The following SHROOM2 variants were observed in gnomAD, a reference collection of about 807,000 sequenced individuals.
The protein encoded by SHROOM2 is protein Shroom2.
A neutral mutation model predicts 75.9 loss-of-function variants in SHROOM2; 33 were observed. That is an observed-to-expected ratio of 0.43 (90% CI 0.33 to 0.58). The LOEUF (loss-of-function observed/expected upper bound fraction) is 0.58, where lower values mean the gene tolerates loss of function less well. SHROOM2 is among the 20% of genes least tolerant of loss of function. The pLI is 0.04. For missense variants in SHROOM2, 1,434 were observed against 1,461.2 expected (o/e 0.98, Z 0.30); for synonymous variants, 655 against 663.6 (o/e 0.99, Z 0.20).
intron 1 of SHROOM2, among the ~76,000 whole-genome samples, chrX:9,802,747 G>A (rs1439572185): frequency 2.7e-5 from 3 of 110,709 alleles, no homozygotes; most frequent in African/African-American, 6.6e-5. Flanking sequence ...TGGGATGAAC[G>A]ACTGCACATT....
Position 9,894,631 on chromosome X carries a change from C to T in SHROOM2, c.723C>T (p.Leu241=), listed in dbSNP as rs200157143. The T allele has an allele frequency of 5.8e-6, 7 of 1,210,748 alleles. No individual in the cohort carries two copies. The Admixed American group carries it at 8.7e-5, about 15-fold the overall frequency. Residue 241 remains leucine (L), a synonymous_variant, in exon 4 of 10, where the codon CTC becomes CTT. Transcript: ENST00000380913. ...AGAACATCCTCTACACTGTGGGCCT[C>T]TGGGAGGCTCCCAGGCAGGGTGGCC... ...SAENILYTVG[L]WEAPRQGGRQ... is the part of the protein sequence containing the mutation.
At chrX:9,877,905 G>A (rs1299556512) in intron 2 of SHROOM2, among the ~76,000 whole-genome samples, 1 of 111,107 alleles carries the variant, frequency 9.0e-6, no homozygotes, top group Non-Finnish European at 1.9e-5. Flanking sequence ...AGCTTAGCTG[G>A]GCTCATCCTA....
chrX:9,832,619 C>T (rs1166941200), intron 1 of SHROOM2, among the ~76,000 whole-genome samples: 3 of 111,234 alleles, frequency 2.7e-5, no homozygotes, highest in African/African-American at 9.8e-5. Flanking sequence ...GCACACTAGA[C>T]GAACCAGCAG....
chrX:9,873,916 T>C (rs1471086249), intron 2 of SHROOM2, 113 bp downstream of exon 2: 2 of 816,284 alleles, frequency 2.5e-6, no homozygotes, highest in South Asian at 2.8e-5. Context: ...GATTGGGACA[T>C]GCACTTAGAG....
chrX:9,891,238 C>A, intron 3 of SHROOM2, 130 bp downstream of exon 3: 1 of 850,813 alleles, frequency 1.2e-6, no homozygotes, highest in Non-Finnish European at 1.6e-6. Flanking sequence ...AGTTGGAGGG[C>A]TCTGAATTTT....
chrX:9,786,918 C>T (rs1054264123), intron 1 of SHROOM2, among the ~76,000 whole-genome samples: 4 of 111,638 alleles, frequency 3.6e-5, no homozygotes, highest in Non-Finnish European at 7.6e-5. Context: ...GTTTAAATGG[C>T]TCCTGCCCGG....
At chrX:9,906,063 C>G (rs1415222699) in intron 5 of SHROOM2, among the ~76,000 whole-genome samples, 1 of 112,256 alleles carries the variant, frequency 8.9e-6, no homozygotes, top group Non-Finnish European at 1.9e-5. Flanking sequence ...GACCTGACAT[C>G]AGCTTTACAG....
chrX:9,791,879 C>T (rs1252992960), intron 1 of SHROOM2, among the ~76,000 whole-genome samples: 2 of 108,637 alleles, frequency 1.8e-5, no homozygotes, highest in African/African-American at 3.4e-5. Flanking sequence ...CCTGTAATTC[C>T]AGCTACTCGG....
At position 9,944,790 on chromosome X, in the gene SHROOM2, G is replaced by A. The variant is rs2084803048; in HGVS notation, c.4461G>A (p.Lys1487=). 5 of 1,212,434 alleles carry A rather than the reference G, an allele frequency of 4.1e-6. No individual in the cohort carries two copies. Among genetic ancestry groups the A allele is most frequent in the Non-Finnish European group, 5.6e-6 (5 of 895,697 alleles). Reference sequence around the variant, plus strand: ...TCTGCAAGCCCAGCGAGTTTGACAAGTTCCGGATGTTCATTGGAGACCTGG... The same window carrying A: ...TCTGCAAGCCCAGCGAGTTTGACAAATTCCGGATGTTCATTGGAGACCTGG... The part of the protein sequence containing the change: ...KGVCKPSEFD[K]FRMFIGDLDK... Residue 1487 remains lysine (K), a synonymous_variant, in exon 9 of 10, where the codon AAG becomes AAA. Transcript: ENST00000380913.
chrX:9,891,257 C>T, intron 3 of SHROOM2, 149 bp downstream of exon 3: 1 of 697,584 alleles, frequency 1.4e-6, no homozygotes, highest in Non-Finnish European at 2.0e-6. Context: ...TTTGACTGAA[C>T]CGGCAAGCGT....
intron 2 of SHROOM2, among the ~76,000 whole-genome samples, chrX:9,890,125 G>A (rs1465872478): frequency 8.9e-6 from 1 of 112,649 alleles, no homozygotes; most frequent in Admixed American, 9.4e-5. Context: ...CCAGTACTTT[G>A]GGAGGCCAAG....
At chrX:9,932,005 C>T (rs1024511431) in intron 5 of SHROOM2, among the ~76,000 whole-genome samples, 170 bp from the exon 6 acceptor site, 4 of 110,429 alleles carry the variant, frequency 3.6e-5, no homozygotes, top group Middle Eastern at 4.6e-3. Context: ...AGGTGCGTCA[C>T]GACTCCCCAC....
intron 1 of SHROOM2, among the ~76,000 whole-genome samples, chrX:9,797,808 T>G (rs6530316): frequency 0.096 from 10,589 of 110,838 alleles, 1,210 homozygotes; most frequent in African/African-American, 0.33. Context: ...GGAGGCACAG[T>G]GGGTGGGGTG....
intron 1 of SHROOM2, among the ~76,000 whole-genome samples, chrX:9,862,884 G>T (rs1276092431): frequency 1.8e-5 from 2 of 112,184 alleles, no homozygotes; most frequent in Admixed American, 1.9e-4. Flanking sequence ...GACACACGAT[G>T]GTGTTCCAGA....
chrX:9,940,246 G>A (rs1344236537), intron 8 of SHROOM2, among the ~76,000 whole-genome samples: 2 of 112,115 alleles, frequency 1.8e-5, no homozygotes, highest in South Asian at 3.7e-4. Flanking sequence ...AAACATGTTC[G>A]GTTTTTCCAC....
At chrX:9,884,987 A>T (rs1190072720) in intron 2 of SHROOM2, among the ~76,000 whole-genome samples, 1 of 111,653 alleles carries the variant, frequency 9.0e-6, no homozygotes, top group Admixed American at 9.5e-5. Context: ...AGGTGGGAGG[A>T]TTGCTTGAGC....
intron 1 of SHROOM2, among the ~76,000 whole-genome samples, chrX:9,839,282 G>GTT (rs201195615): frequency 4.5e-5 from 5 of 111,182 alleles, no homozygotes; most frequent in African/African-American, 1.6e-4. Flanking sequence ...GCAGAGACGC[G>GTT]TTTTTTTACC....
chrX:9,795,117 C>CT (rs1555920338), intron 1 of SHROOM2, among the ~76,000 whole-genome samples: 47 of 103,609 alleles, frequency 4.5e-4, no homozygotes, highest in African/African-American at 1.2e-3. Context: ...TTCTTTCTTT[C>CT]TTTTTTTTTT....
chrX:9,822,985 A>C (rs73194166), intron 1 of SHROOM2, among the ~76,000 whole-genome samples: 45,471 of 88,887 alleles, frequency 0.51, 9,374 homozygotes, highest in Admixed American at 0.6. Context: ...AAGAATAATA[A>C]TTCTTCTTCT....
Sources: allele counts gnomAD v4.1 joint callset (sites outside exome capture counted in the v4.1 genomes callset), GRCh38; gene constraint gnomAD v4.1.1; transcripts MANE v1.5; gene names NCBI Gene and HGNC (gene_info 2026-07-23, HGNC 2026-07-21).